Variants in DMXL2 observed in about 807,000 individuals in gnomAD.
DMXL2 encodes Dmx like 2.
DMXL2 carries 103 observed loss-of-function variants against 331.1 expected under a neutral mutation model. The observed-to-expected ratio is 0.31, with a 90% CI of 0.27 to 0.37. The LOEUF is 0.37. Among genes scored for constraint, DMXL2 ranks in the 10% least tolerant of loss-of-function variants. The pLI, the probability that DMXL2 is intolerant of heterozygous loss-of-function variation, is 1.00. For synonymous variants in DMXL2, 1,281 were observed against 1,252.1 expected (o/e 1.02, Z -0.49); for missense variants, 3,171 against 3,642.9 (o/e 0.87, Z 3.33).
intron 15 of DMXL2, among the ~76,000 whole-genome samples, chr15:51,511,088 C>T (rs1019338263): frequency 6.6e-6 from 1 of 152,144 alleles, no homozygotes; most frequent in African/African-American, 2.4e-5. Context: ...ATCATAAAAA[C>T]CCTAGAAGAA....
At chr15:51,476,802 C>T in intron 26 of DMXL2, 83 bp from the exon 27 acceptor site, 2 of 1,167,858 alleles carry the variant, frequency 1.7e-6, no homozygotes, top group Admixed American at 2.9e-5. Flanking sequence ...TTTTAGACAC[C>T]TATTTTAAGA....
chr15:51,537,727 T>C lies in DMXL2; in HGVS notation c.1378A>G (p.Thr460Ala). 6.2e-7 allele frequency: 1 copy of C among 1,613,656 alleles called. No homozygotes were observed. The highest frequency in any genetic ancestry group is 8.5e-7 in the Non-Finnish European group (1 of 1,179,748). The change falls in exon 11 of 44, where the codon ACA becomes GCA. Residue 460 changes from threonine (T) to alanine (A), a missense_variant. Physicochemically the swap from Thr to Ala is moderately conservative, Grantham distance 58. Transcript: ENST00000560891. ...LSLDRESEAG[T>A]GSSEHEDGER... is the part of the protein sequence containing the mutation. The stretch of plus-strand genomic sequence containing the variant: ...CCATCTTCATGTTCTGATGATCCTG[T>C]ACCTGCCTCAGATTCTCTATCCAGG...
intron 1 of DMXL2, among the ~76,000 whole-genome samples, chr15:51,586,651 A>C (rs1156230356): frequency 2.0e-5 from 3 of 152,154 alleles, no homozygotes; most frequent in Non-Finnish European, 4.4e-5. Flanking sequence ...CTAAGTACTA[A>C]GCTAAAGAGA....
chr15:51,488,434 T>G, intron 21 of DMXL2, 114 bp downstream of exon 21: 1 of 930,656 alleles, frequency 1.1e-6, no homozygotes, highest in Non-Finnish European at 1.7e-6. Flanking sequence ...CCAGGTCGCA[T>G]AGAAGTGGAT....
At chr15:51,483,005 C>G (rs775672992) in intron 23 of DMXL2, among the ~76,000 whole-genome samples, 2 of 150,150 alleles carry the variant, frequency 1.3e-5, no homozygotes, top group Non-Finnish European at 3.0e-5. Flanking sequence ...CTATCTCCCC[C>G]ACCCAGACTG....
chr15:51,619,012 A>G (rs1050930555), intron 1 of DMXL2, among the ~76,000 whole-genome samples: 2 of 152,210 alleles, frequency 1.3e-5, no homozygotes, highest in African/African-American at 4.8e-5. Context: ...GGCCAAATGA[A>G]TTTTTAATTT....
chr15:51,480,375 T>G (rs936833017), intron 24 of DMXL2, among the ~76,000 whole-genome samples, 167 bp downstream of exon 24: 1 of 152,156 alleles, frequency 6.6e-6, no homozygotes, highest in African/African-American at 2.4e-5. Context: ...TTATCAAAAC[T>G]TCAGTCTAAG....
At chr15:51,551,418 C>G (rs898899509) in intron 6 of DMXL2, among the ~76,000 whole-genome samples, 3 of 152,120 alleles carry the variant, frequency 2.0e-5, no homozygotes, top group Non-Finnish European at 2.9e-5. Context: ...TCATATGTCT[C>G]TTTCAGGGAA....
At chr15:51,594,107 A>G (rs2052604873) in intron 1 of DMXL2, among the ~76,000 whole-genome samples, 1 of 151,800 alleles carries the variant, frequency 6.6e-6, no homozygotes, top group Non-Finnish European at 1.5e-5. Context: ...AAACCCTTCA[A>G]AAAAATCAAT....
intron 9 of DMXL2, 29 bp from the exon 10 acceptor site, chr15:51,538,481 ATTTT>A (rs768688357): frequency 4.0e-6 from 6 of 1,510,420 alleles, no homozygotes; most frequent in Non-Finnish European, 5.3e-6. Context: ...TTTCAATATA[ATTTT>A]TTTTATTTCT....
chr15:51,472,501 C>T (rs1179841420), intron 28 of DMXL2, among the ~76,000 whole-genome samples: 1 of 152,166 alleles, frequency 6.6e-6, no homozygotes, highest in Non-Finnish European at 1.5e-5. Context: ...AAAGGAAACA[C>T]TATACCAAAT....
chr15:51,564,596 C>T (rs1232150416), intron 4 of DMXL2, among the ~76,000 whole-genome samples: 2 of 151,832 alleles, frequency 1.3e-5, no homozygotes, highest in Admixed American at 6.6e-5. Context: ...AAAATGTCCT[C>T]GAGATATAAG....
intron 18 of DMXL2, among the ~76,000 whole-genome samples, 177 bp from the exon 19 acceptor site, chr15:51,495,311 T>G (rs565298898): frequency 1.3e-5 from 2 of 152,018 alleles, no homozygotes; most frequent in South Asian, 4.2e-4. Context: ...CAAAAAAAAA[T>G]GTGACTACTA....
At chr15:51,502,767 A>C (rs1256832090) in intron 17 of DMXL2, 39 bp downstream of exon 17, 1 of 1,366,074 alleles carries the variant, frequency 7.3e-7, no homozygotes, top group Admixed American at 1.7e-5. Flanking sequence ...ATATTTTATC[A>C]CTCTGAGCTA....
intron 32 of DMXL2, among the ~76,000 whole-genome samples, chr15:51,463,714 C>T (rs907031091): frequency 6.6e-6 from 1 of 152,136 alleles, no homozygotes. Context: ...CATCTAGCAA[C>T]TAATTCTCTA....
At position 51,548,402 on chromosome 15, in the gene DMXL2, CTCTT is replaced by C. The variant is rs1204977912; in HGVS notation, c.568-998_568-995del. On this transcript the variant is annotated intron_variant, in intron 6 of 43. Transcript: ENST00000560891. Reference sequence around the variant, plus strand: ...ATGAAACAAAAATTTCCATTAATGTCTCTTTTTTTGGATATTTTAATTATACAGC... The same window carrying C: ...ATGAAACAAAAATTTCCATTAATGTCTTTTTGGATATTTTAATTATACAGC... 3.9e-5 allele frequency among the ~76,000 whole-genome samples: 6 copies of C among 152,110 alleles called. 1 individual carries two copies. Among genetic ancestry groups the C allele is most frequent in the Admixed American group, 3.3e-4 (5 of 15,266 alleles).
chr15:51,468,199 A>ATCTG (rs1323439404), intron 29 of DMXL2, among the ~76,000 whole-genome samples: 1 of 152,198 alleles, frequency 6.6e-6, no homozygotes, highest in Non-Finnish European at 1.5e-5. Context: ...GCACCCCAGC[A>ATCTG]TCTGTCTGTA....
At chr15:51,502,371 G>A (rs935712668) in intron 17 of DMXL2, among the ~76,000 whole-genome samples, 4 of 148,878 alleles carry the variant, frequency 2.7e-5, no homozygotes, top group Non-Finnish European at 4.4e-5. Context: ...CGCCCAGGCT[G>A]GAATGCAGTA....
rs1159793153 is a variant in DMXL2, at chr15:51,535,672, T to C, written c.2427A>G (p.Pro809=). 6 of 1,596,112 alleles carry C rather than the reference T, an allele frequency of 3.8e-6. No homozygotes were observed. The highest frequency in any genetic ancestry group is 5.1e-6 in the Non-Finnish European group (6 of 1,173,446). Residue 809 remains proline (P), a synonymous_variant, in exon 13 of 44, where the codon CCA becomes CCG. Coordinates refer to ENST00000560891, the MANE Select transcript of DMXL2 (RefSeq NM_001378457.1). ...ATTATTAAATACTTACTGAAGATTC[T>C]GGGTCTGACAATTCATCTAATAATT... The part of the protein sequence containing the change: ...ARKLLDELSD[P]ESSKLIGEVF...
Sources: gnomAD v4.1 joint callset for allele counts (sites outside exome capture counted in the v4.1 genomes callset) on GRCh38, gnomAD v4.1.1 for gene constraint, MANE v1.5 for transcripts, NCBI Gene and HGNC (gene_info 2026-07-23, HGNC 2026-07-21) for gene names.